Variants in ZFYVE28 observed in about 807,000 individuals in gnomAD.
ZFYVE28 encodes the protein zinc finger FYVE-type containing 28.
Under a neutral mutation model 82.1 loss-of-function variants are expected in ZFYVE28, and 40 were observed. The observed-to-expected ratio is 0.49, with a 90% CI of 0.38 to 0.63. ZFYVE28 has a LOEUF of 0.63. Ranked by LOEUF, ZFYVE28 falls within the 30% of genes least tolerant of loss-of-function variation. The pLI is 0.00. For synonymous variants in ZFYVE28, 612 were observed against 546.1 expected, an observed-to-expected ratio of 1.12 and a Z score of -1.68; for missense variants, 1,321 against 1,242.1, an observed-to-expected ratio of 1.06 and a Z score of -0.96.
chr4:2,279,538 G>T (rs532481816), intron 8 of ZFYVE28, among the ~76,000 whole-genome samples: 1 of 152,182 alleles, frequency 6.6e-6, no homozygotes, highest in Non-Finnish European at 1.5e-5. Context: ...CCAGCACTTT[G>T]GGAGGCCAAG....
At chr4:2,334,264 C>T (rs1409676964) in intron 6 of ZFYVE28, among the ~76,000 whole-genome samples, 1 of 152,202 alleles carries the variant, frequency 6.6e-6, no homozygotes, top group South Asian at 2.1e-4. Context: ...CACGCTGGAG[C>T]CCTCCCGGAG....
At chr4:2,330,437 AG>A (rs1578117109) in intron 6 of ZFYVE28, 1 of 1,051,570 alleles carries the variant, frequency 9.5e-7, no homozygotes, top group East Asian at 9.2e-5. Context: ...GACATCATGG[AG>A]GGGACAGCAC....
intron 8 of ZFYVE28, among the ~76,000 whole-genome samples, chr4:2,303,907 G>A (rs13126907): frequency 0.49 from 74,521 of 152,198 alleles, 19,748 homozygotes; most frequent in East Asian, 0.88. Flanking sequence ...GGGGCCCGGC[G>A]CTGGCACAGC....
intron 1 of ZFYVE28, among the ~76,000 whole-genome samples, chr4:2,389,135 C>A (rs1729566707): frequency 6.6e-6 from 1 of 152,156 alleles, no homozygotes. Context: ...GGCTCCTGCC[C>A]CCTAGATCCA....
At chr4:2,357,116 C>A (rs886820733) in intron 1 of ZFYVE28, among the ~76,000 whole-genome samples, 1 of 152,160 alleles carries the variant, frequency 6.6e-6, no homozygotes, top group African/African-American at 2.4e-5. Context: ...GGGCTGGTCT[C>A]GAGCTCCTGA....
At chr4:2,360,487 T>C (rs987006598) in intron 1 of ZFYVE28, among the ~76,000 whole-genome samples, 1 of 151,760 alleles carries the variant, frequency 6.6e-6, no homozygotes, top group African/African-American at 2.4e-5. Flanking sequence ...GCCCCTGAGC[T>C]AGCGTCCCGG....
chr4:2,417,207 CGAGCCGTGACCTCCCCCAA>C lies in ZFYVE28; in HGVS notation c.39+1059_39+1077del, dbSNP rs1394620757. On this transcript the variant is annotated intron_variant, in intron 1 of 12. Transcript: ENST00000290974. The surrounding 1 kb of genome is among the most constrained non-coding windows in gnomAD (Gnocchi z 4.8). The stretch of plus-strand genomic sequence containing the variant: ...CCTTGGTCGCCGCGGTGACCCCACC[CGAGCCGTGACCTCCCCCAA>C]GATCTCAGGGCCCGGGCCTCCCCGC... 1.3e-5 allele frequency among the ~76,000 whole-genome samples: 2 copies of C among 152,238 alleles called. No homozygotes were observed. Among genetic ancestry groups the C allele is most frequent in the East Asian group, 3.9e-4 (2 of 5,166 alleles).
At chr4:2,306,385 G>A (rs1716575041) in intron 7 of ZFYVE28, among the ~76,000 whole-genome samples, 1 of 152,258 alleles carries the variant, frequency 6.6e-6, no homozygotes, top group African/African-American at 2.4e-5. Context: ...ATCCACCCAT[G>A]TGAATAGCAC....
rs893939440 is a variant in ZFYVE28, at chr4:2,362,546, C to A, written c.40-8473G>T. ...CCAACCCCTCCTGTCCGCACTGAGG[C>A]CAGACGTCCATGGGCAGCCATGACC... On this transcript the variant is annotated intron_variant, in intron 1 of 12. Transcript: ENST00000290974. The surrounding 1 kb of genome is among the most constrained non-coding windows in gnomAD (Gnocchi z 5.1). 6.6e-6 allele frequency among the ~76,000 whole-genome samples: 1 copy of A among 152,120 alleles called. No homozygotes were observed. The highest frequency in any genetic ancestry group is 1.5e-5 in the Non-Finnish European group (1 of 68,014).
chr4:2,353,335 T>C (rs1019416972), intron 2 of ZFYVE28, among the ~76,000 whole-genome samples: 1 of 152,184 alleles, frequency 6.6e-6, no homozygotes, highest in Non-Finnish European at 1.5e-5. Flanking sequence ...CCACCTCCCA[T>C]GGCCGCAAGG....
intron 2 of ZFYVE28, among the ~76,000 whole-genome samples, chr4:2,344,758 T>C (rs925256122): frequency 6.6e-6 from 1 of 151,522 alleles, no homozygotes; most frequent in Non-Finnish European, 1.5e-5. Context: ...TAGCCGGGTG[T>C]GGTGGCGAAT....
chr4:2,273,861 C>A (rs1736146234), intron 9 of ZFYVE28, among the ~76,000 whole-genome samples: 1 of 152,198 alleles, frequency 6.6e-6, no homozygotes. Context: ...CCACCCTCAC[C>A]CGCAGCTCCC....
rs533407019 is a variant in ZFYVE28, at chr4:2,409,381, C to T, written c.39+8904G>A. 2.6e-5 allele frequency among the ~76,000 whole-genome samples: 4 copies of T among 152,284 alleles called. No homozygotes were observed. Among genetic ancestry groups the T allele is most frequent in the African/African-American group, 9.6e-5 (4 of 41,548 alleles). On this transcript the variant is annotated intron_variant, in intron 1 of 12. Coordinates refer to ENST00000290974, the MANE Select transcript of ZFYVE28 (RefSeq NM_020972.3). This position sits in a 1 kb window ranked among gnomAD's most constrained non-coding sequence, Gnocchi z 4.4. ...AGCAGGCCTGGAAGGACCCCGCAAA[C>T]AGCAGTGCTGACCCCATCATGCCCC...
intron 9 of ZFYVE28, among the ~76,000 whole-genome samples, chr4:2,273,500 G>A (rs970972537): frequency 2.0e-5 from 3 of 152,278 alleles, no homozygotes; most frequent in Admixed American, 6.5e-5. Context: ...CAGGGGAAGG[G>A]AGACGACCAG....
intron 1 of ZFYVE28, among the ~76,000 whole-genome samples, chr4:2,360,230 G>A (rs1375309966): frequency 6.6e-6 from 1 of 150,782 alleles, no homozygotes; most frequent in African/African-American, 2.4e-5. Flanking sequence ...ACCACACCCC[G>A]CCCCACACCA....
intron 8 of ZFYVE28, among the ~76,000 whole-genome samples, chr4:2,298,268 T>C (rs1296170608): frequency 1.3e-5 from 2 of 152,008 alleles, no homozygotes; most frequent in African/African-American, 4.8e-5. Flanking sequence ...CAGCGGGCTG[T>C]GCTGGGAGGA....
rs1375716587 is a variant in ZFYVE28, at chr4:2,341,797, T to G, written c.181-182A>C. On this transcript the variant is annotated intron_variant, in intron 2 of 12. Coordinates refer to ENST00000290974, the MANE Select transcript of ZFYVE28 (RefSeq NM_020972.3). This position sits in a 1 kb window ranked among gnomAD's most constrained non-coding sequence, Gnocchi z 4.5. ...CACTTTGGGAGGCCGAGGCGGGTGG[T>G]TTACCTGAGGTTAGGAGTTTGAGAC... Among the ~76,000 whole-genome samples the G allele has an allele frequency of 1.3e-5, 2 of 152,008 alleles. No homozygotes were observed. Among genetic ancestry groups the G allele is most frequent in the African/African-American group, 2.4e-5 (1 of 41,372 alleles).
In ZFYVE28 at chr4:2,332,627, G is replaced by A. The variant is rs1033808986; in HGVS notation, c.701+3078C>T. Among the ~76,000 whole-genome samples the A allele has an allele frequency of 2.0e-5, 3 of 152,188 alleles. No homozygotes were observed. Among genetic ancestry groups the A allele is most frequent in the Non-Finnish European group, 2.9e-5 (2 of 68,030 alleles). On this transcript the variant is annotated intron_variant, in intron 6 of 12. Coordinates refer to ENST00000290974, the MANE Select transcript of ZFYVE28 (RefSeq NM_020972.3). The surrounding 1 kb of genome is among the most constrained non-coding windows in gnomAD (Gnocchi z 4.7). Reference sequence around the variant, plus strand: ...TTGCTCACTGAATGAACACAGGAAGGAGCAGGTTCTGGGCCCCACCACGGG... The same window carrying A: ...TTGCTCACTGAATGAACACAGGAAGAAGCAGGTTCTGGGCCCCACCACGGG...
At chr4:2,351,059 T>C (rs1724353126) in intron 2 of ZFYVE28, among the ~76,000 whole-genome samples, 2 of 152,212 alleles carry the variant, frequency 1.3e-5, no homozygotes, top group Admixed American at 6.5e-5. Context: ...CCCCGATTTA[T>C]AGCCAGCTGG....
Sources: allele counts gnomAD v4.1 joint callset (sites outside exome capture counted in the v4.1 genomes callset), GRCh38; gene constraint gnomAD v4.1.1; non-coding constraint Gnocchi (gnomAD v3.1); transcripts MANE v1.5; gene names NCBI Gene and HGNC (gene_info 2026-07-23, HGNC 2026-07-21).